The following SLC37A2 variants were observed in gnomAD, a reference collection of about 807,000 sequenced individuals.
SLC37A2 encodes the protein glucose-6-phosphate exchanger SLC37A2.
Under a neutral mutation model 70.7 loss-of-function variants are expected in SLC37A2, and 59 were observed. The observed-to-expected ratio is 0.83, with a 90% CI of 0.68 to 1.04. The LOEUF (loss-of-function observed/expected upper bound fraction) is 1.04. SLC37A2 is among the 50% of genes least tolerant of loss of function. SLC37A2 has a pLI of 0.00. For missense variants in SLC37A2, 580 were observed against 658.1 expected (o/e 0.88, Z 1.30); for synonymous variants, 257 against 262.1 (o/e 0.98, Z 0.19).
At chr11:125,073,938 C>G (rs910730166) in intron 1 of SLC37A2, among the ~76,000 whole-genome samples, 4 of 152,226 alleles carry the variant, frequency 2.6e-5, no homozygotes, top group Admixed American at 6.5e-5. Flanking sequence ...AACTCCCGCT[C>G]TCTTCAGTGG....
Position 125,083,777 on chromosome 11 carries a change from A to C in SLC37A2, c.977-38A>C. The C allele has an allele frequency of 6.3e-7, 1 of 1,598,856 alleles. No homozygotes were observed. The highest frequency in any genetic ancestry group is 8.6e-7 in the Non-Finnish European group (1 of 1,166,066). On this transcript the variant is annotated intron_variant, in intron 10 of 17. Transcript: ENST00000403796. The surrounding 1 kb of genome is among the most constrained non-coding windows in gnomAD (Gnocchi z 4.6). ...TGTGACACTCCAGGATGTTTGCCCC[A>C]AACCCCAGGTCTGACCACATACCTG...
chr11:125,080,625 T>A lies in SLC37A2; in HGVS notation c.539T>A (p.Ile180Asn). The change falls in exon 7 of 18, where the codon ATC (isoleucine) becomes AAC (asparagine). Residue 180 changes from isoleucine (I) to asparagine (N), a missense_variant. Ile to Asn is a moderately radical substitution (Grantham distance 149). Coordinates refer to ENST00000403796, the MANE Select transcript of SLC37A2 (RefSeq NM_001145290.2). The surrounding 1 kb of genome is among the most constrained non-coding windows in gnomAD (Gnocchi z 4.3). ...NWFGKGKRGFIMGIWNSHTSV... is the reference protein window; with the variant it reads ...NWFGKGKRGFNMGIWNSHTSV... Reference sequence around the variant, plus strand: ...TCCCTCCCTTCCAGGCGGGGGTTCATCATGGGCATCTGGAATTCCCACACA... The same window carrying A: ...TCCCTCCCTTCCAGGCGGGGGTTCAACATGGGCATCTGGAATTCCCACACA... 2.0e-6 allele frequency: 3 copies of A among 1,511,972 alleles called. No homozygotes were observed. The highest frequency in any genetic ancestry group is 2.7e-6 in the Non-Finnish European group (3 of 1,126,686). The allele number at this position is 1,511,972 out of a possible 1,614,324, so 93.7% of individuals were successfully genotyped here. A position where few individuals can be genotyped will look rare whatever the true frequency, so the allele number is the denominator to read the frequency against.
chr11:125,073,567 T>C (rs1481850332), intron 1 of SLC37A2, among the ~76,000 whole-genome samples: 1 of 152,252 alleles, frequency 6.6e-6, no homozygotes, highest in African/African-American at 2.4e-5. Context: ...CCTCTGGGCA[T>C]CAGGAACAAT....
intron 1 of SLC37A2, among the ~76,000 whole-genome samples, chr11:125,066,021 C>T (rs556224560): frequency 6.6e-6 from 1 of 152,316 alleles, no homozygotes; most frequent in South Asian, 2.1e-4. Context: ...GACAGTCATC[C>T]ATCCCCAGTT....
chr11:125,079,586 G>C (rs1192669980), intron 5 of SLC37A2, 98 bp from the exon 6 acceptor site: 1 of 933,400 alleles, frequency 1.1e-6, no homozygotes, highest in Non-Finnish European at 1.7e-6. Flanking sequence ...AGGGCCCCTT[G>C]GCCACGAAAT....
At position 125,083,859 on chromosome 11, in the gene SLC37A2, G is replaced by A. The variant is rs758828423; in HGVS notation, c.1021G>A (p.Asp341Asn). 3 of 1,614,136 alleles carry A rather than the reference G, an allele frequency of 1.9e-6. No homozygotes were observed. Among genetic ancestry groups the A allele is most frequent in the Admixed American group, 1.7e-5 (1 of 60,030 alleles). The change falls in exon 11 of 18, where the codon GAT becomes AAT. Residue 341 changes from aspartate to asparagine, a missense_variant. Physicochemically the swap from Asp to Asn is conservative, Grantham distance 23. Coordinates refer to ENST00000403796, the MANE Select transcript of SLC37A2 (RefSeq NM_001145290.2). The surrounding 1 kb of genome is among the most constrained non-coding windows in gnomAD (Gnocchi z 4.6). ...GGCTGGGGACCTGTCTACACTCTTC[G>A]ATGTTGGTGGCATCATAGGTGAGGC... ...KEAGDLSTLF[D>N]VGGIIGGIVA...
At chr11:125,079,613 A>C (rs1591632093) in intron 5 of SLC37A2, 71 bp from the exon 6 acceptor site, 1 of 1,258,570 alleles carries the variant, frequency 7.9e-7, no homozygotes. Context: ...TCCTCAGCCC[A>C]GGGTGGTCAG....
intron 1 of SLC37A2, among the ~76,000 whole-genome samples, chr11:125,075,611 A>G (rs748904889): frequency 6.6e-6 from 1 of 152,244 alleles, no homozygotes; most frequent in Non-Finnish European, 1.5e-5. Flanking sequence ...AAGAAGACAG[A>G]CAGGAAGCTC....
intron 5 of SLC37A2, among the ~76,000 whole-genome samples, 158 bp downstream of exon 5, chr11:125,079,405 G>T (rs969056880): frequency 6.6e-6 from 1 of 152,124 alleles, no homozygotes; most frequent in South Asian, 2.1e-4. Context: ...CACTGCCCCC[G>T]CATTTGTTCA....
Position 125,063,700 on chromosome 11 carries a change from TC to T in SLC37A2, c.59+277del, listed in dbSNP as rs1948953818. ...GCTGCCAGGGAGGGTCTCCATCGTTTCCCGTTTCCATCCTCCCCTCCTAACA... is the reference window on the plus strand; with the variant it reads ...GCTGCCAGGGAGGGTCTCCATCGTTTCCGTTTCCATCCTCCCCTCCTAACA... On this transcript the variant is annotated intron_variant, in intron 1 of 17. Transcript: ENST00000403796. This position sits in a 1 kb window ranked among gnomAD's most constrained non-coding sequence, Gnocchi z 5.4. 6.6e-6 allele frequency among the ~76,000 whole-genome samples: 1 copy of T among 152,192 alleles called. No individual in the cohort carries two copies. The highest frequency in any genetic ancestry group is 2.1e-4 in the South Asian group (1 of 4,830).
rs776777963 is a variant in SLC37A2, at chr11:125,088,182, C to T, written c.*48C>T. 8.4e-6 allele frequency: 13 copies of T among 1,548,000 alleles called. No individual in the cohort carries two copies. The highest frequency in any genetic ancestry group is 7.1e-5 in the South Asian group (6 of 83,962). ...TGGAGGGTCCCAGTTGGGTCCCCAA[C>T]GTGCTCCCCATGGGCAAGACAATGG... is the stretch of plus-strand genomic sequence containing the variant. On this transcript the variant is annotated 3_prime_UTR_variant, in exon 18 of 18. Coordinates refer to ENST00000403796, the MANE Select transcript of SLC37A2 (RefSeq NM_001145290.2).
intron 1 of SLC37A2, among the ~76,000 whole-genome samples, chr11:125,072,474 A>C (rs1316405591): frequency 6.6e-6 from 1 of 152,110 alleles, no homozygotes; most frequent in East Asian, 1.9e-4. Context: ...CTTCCCCTCC[A>C]TCCTTTGGTC....
At chr11:125,077,064 G>A (rs1380281412) in intron 2 of SLC37A2, among the ~76,000 whole-genome samples, 166 bp from the exon 3 acceptor site, 5 of 152,178 alleles carry the variant, frequency 3.3e-5, no homozygotes, top group Non-Finnish European at 1.5e-5. Context: ...CTGCTCATGG[G>A]TCTGATGTGG....
At chr11:125,068,919 A>AGAAGT (rs1316715007) in intron 1 of SLC37A2, among the ~76,000 whole-genome samples, 1 of 152,250 alleles carries the variant, frequency 6.6e-6, no homozygotes, top group Admixed American at 6.5e-5. Flanking sequence ...AGGGCATTTA[A>AGAAGT]GAAGTGAAGA....
At chr11:125,087,633 CTTTT>C (rs201240101) in intron 17 of SLC37A2, 14 of 140,888 alleles carry the variant, frequency 9.9e-5, no homozygotes, top group Non-Finnish European at 2.0e-4. Context: ...TATTTAATTT[CTTTT>C]TTTTTTTTTT....
Position 125,088,093 on chromosome 11 carries a change from C to T in SLC37A2, c.1491-26C>T, listed in dbSNP as rs373381589. 5.9e-4 allele frequency: 921 copies of T among 1,551,856 alleles called. 1 individual carries two copies. Among genetic ancestry groups the T allele is most frequent in the Non-Finnish European group, 7.5e-4 (861 of 1,146,964 alleles). The stretch of plus-strand genomic sequence containing the variant: ...TTATGAAGTCATCTCACTTTCTCTT[C>T]TGTCCCCCCTCTCCTCTTCATGCAG... On this transcript the variant is annotated intron_variant, in intron 17 of 17. Coordinates refer to ENST00000403796, the MANE Select transcript of SLC37A2 (RefSeq NM_001145290.2).
chr11:125,079,148 C>T lies in SLC37A2; in HGVS notation c.351C>T (p.Tyr117=), dbSNP rs33932952. ...GGGAGCGGCTTCCGCTCCGTTACTA[C>T]CTCTCAGCTGGAATGCTGCTCAGTG... The part of the protein sequence containing the change: ...VFGERLPLRY[Y]LSAGMLLSGL... The change falls in exon 5 of 18, where the codon TAC becomes TAT. Residue 117 remains tyrosine (Y), a synonymous_variant. Transcript: ENST00000403796. 0.18 allele frequency: 290,789 copies of T among 1,614,006 alleles called. 27,383 individuals carry two copies. Among genetic ancestry groups the T allele is most frequent in the African/African-American group, 0.19 (14,464 of 75,010 alleles).
chr11:125,083,397 C>T lies in SLC37A2; in HGVS notation c.977-418C>T, dbSNP rs541215531. ...CCCTGTGTCCCTGCAAGTCTCCTTCCTGGCTCTGTGTATGAGCACAGCCTA... is the reference window on the plus strand; with the variant it reads ...CCCTGTGTCCCTGCAAGTCTCCTTCTTGGCTCTGTGTATGAGCACAGCCTA... On this transcript the variant is annotated intron_variant, in intron 10 of 17. Coordinates refer to ENST00000403796, the MANE Select transcript of SLC37A2 (RefSeq NM_001145290.2). The surrounding 1 kb of genome is among the most constrained non-coding windows in gnomAD (Gnocchi z 4.6). The T allele has an allele frequency of 6.3e-6, 1 of 158,404 alleles. No individual in the cohort carries two copies. The highest frequency in any genetic ancestry group is 2.4e-5 in the African/African-American group (1 of 41,726). 9.8% of individuals were successfully genotyped at this position (158,404 alleles called of 1,614,324 possible).
In SLC37A2 at chr11:125,085,559, A is replaced by G. The variant is rs1028166863; in HGVS notation, c.1328-18A>G. The G allele has an allele frequency of 1.2e-5, 20 of 1,613,654 alleles. No individual in the cohort carries two copies. Among genetic ancestry groups the G allele is most frequent in the Non-Finnish European group, 1.7e-5 (20 of 1,179,956 alleles). ...GGGAGGTGCAGGACCCCTGCTCACG[A>G]GGCTGTGCTCCATTCAGGTGCGGCT... On this transcript the variant is annotated intron_variant, in intron 15 of 17. Coordinates refer to ENST00000403796, the MANE Select transcript of SLC37A2 (RefSeq NM_001145290.2).
Sources: gnomAD v4.1 joint callset for allele counts (sites outside exome capture counted in the v4.1 genomes callset) on GRCh38, gnomAD v4.1.1 for gene constraint, Gnocchi (gnomAD v3.1) non-coding constraint, MANE v1.5 for transcripts, NCBI Gene and HGNC (gene_info 2026-07-23, HGNC 2026-07-21) for gene names.